COPS2: variants seen among roughly 807,000 people sequenced by gnomAD.
COPS2 encodes the protein COP9 signalosome complex subunit 2.
In COPS2, 10 loss-of-function variants were observed where a neutral mutation model predicts 66.1. That is an observed-to-expected ratio of 0.15 (90% CI 0.09 to 0.26). The LOEUF (loss-of-function observed/expected upper bound fraction) is 0.26, where lower values mean the gene tolerates loss of function less well. Ranked by LOEUF, COPS2 falls within the 10% of genes least tolerant of loss-of-function variation. The pLI, the probability that COPS2 is intolerant of heterozygous loss-of-function variation, is 1.00. For synonymous variants in COPS2, 179 were observed against 171.3 expected, an observed-to-expected ratio of 1.04 and a Z score of -0.35; for missense variants, 215 against 513.3, an observed-to-expected ratio of 0.42 and a Z score of 5.62.
intron 1 of COPS2, among the ~76,000 whole-genome samples, chr15:49,149,493 A>C (rs1473475492): frequency 6.6e-6 from 1 of 152,322 alleles, no homozygotes; most frequent in South Asian, 2.1e-4. Flanking sequence ...AAAACAGTCC[A>C]AATTGTGAAC....
At chr15:49,137,512 C>A in intron 4 of COPS2, 75 bp from the exon 5 acceptor site, 1 of 1,042,208 alleles carries the variant, frequency 9.6e-7, no homozygotes. Flanking sequence ...TTTGAACAAA[C>A]TAAAAGTGCA....
At position 49,127,701 on chromosome 15, in the gene COPS2, G is replaced by A. The variant is rs2084178229; in HGVS notation, c.*249C>T. The A allele has an allele frequency of 1.7e-5, 6 of 352,776 alleles. No individual in the cohort carries two copies. The South Asian group carries it at 2.5e-4, about 15-fold the overall frequency. The allele number at this position is 352,776 out of a possible 1,614,324, so 21.9% of individuals were successfully genotyped here. On this transcript the variant is annotated 3_prime_UTR_variant, in exon 13 of 13. Coordinates refer to ENST00000388901, the MANE Select transcript of COPS2 (RefSeq NM_004236.4). ...ATGACAAATTACTATGATGTTGTAC[G>A]TTTAGGGCAAGATGTCAATACAGCA...
At chr15:49,140,984 T>C (rs1020490045) in intron 3 of COPS2, among the ~76,000 whole-genome samples, 4 of 148,002 alleles carry the variant, frequency 2.7e-5, no homozygotes, top group African/African-American at 1.0e-4. Flanking sequence ...CAGAGGTGGA[T>C]GGGACAAAAA....
rs577403727 is a variant in COPS2 at position 49,132,370 on chromosome 15, C to T, written c.947+1389G>A. Among the ~76,000 whole-genome samples, 3 of 150,182 alleles carry T rather than the reference C, an allele frequency of 2.0e-5. No homozygotes were observed. The East Asian group carries it at 5.8e-4, about 29-fold the overall frequency. ...AAAAAAACGCTTTTTTTTTTACAGC[C>T]AAAATTAAGGTTTCTTTAAAAAAAG... On this transcript the variant is annotated intron_variant, in intron 9 of 12. Coordinates refer to ENST00000388901, the MANE Select transcript of COPS2 (RefSeq NM_004236.4).
chr15:49,128,809 T>A, intron 11 of COPS2, 49 bp from the exon 12 acceptor site: 3 of 1,178,948 alleles, frequency 2.5e-6, no homozygotes, highest in Non-Finnish European at 3.7e-6. Flanking sequence ...AAAGACTTCA[T>A]AATTTTACAC....
rs1206213492 is a variant in COPS2 at position 49,150,263 on chromosome 15, T to TAA, written c.55-5187_55-5186dup. The stretch of plus-strand genomic sequence containing the variant: ...ACTCTATCTCAAAAAAAAAAAAAAA[T>TAA]AAATAAAAATAAAAAAATAAATAAA... On this transcript the variant is annotated intron_variant, in intron 1 of 12. Transcript: ENST00000388901. 2.4e-5 allele frequency among the ~76,000 whole-genome samples: 3 copies of TAA among 127,234 alleles called. No homozygotes were observed. In the East Asian group the frequency reaches 6.9e-4, roughly 29 times the overall value. 83.5% of individuals were successfully genotyped at this position (127,234 alleles called of 152,430 possible). A position where few individuals can be genotyped will look rare whatever the true frequency, so the allele number is the denominator to read the frequency against.
At chr15:49,149,641 G>C (rs2084344983) in intron 1 of COPS2, among the ~76,000 whole-genome samples, 1 of 152,114 alleles carries the variant, frequency 6.6e-6, no homozygotes, top group African/African-American at 2.4e-5. Context: ...GAGCAGCCAG[G>C]GTCAATTTTG....
At chr15:49,137,522 ATCTTTGAACTTTAATACACAT>A in intron 4 of COPS2, 85 bp from the exon 5 acceptor site, 1 of 959,022 alleles carries the variant, frequency 1.0e-6, no homozygotes, top group Non-Finnish European at 1.7e-6. Context: ...CTAAAAGTGC[ATCTTTGAACTTTAATACACAT>A]AAGATACACT....
rs2084203670 is a variant in COPS2, at chr15:49,130,949, TCA to T, written c.948-135_948-134del. 2.1e-5 allele frequency: 10 copies of T among 465,286 alleles called. No individual in the cohort carries two copies. The South Asian group carries it at 3.6e-4, about 17-fold the overall frequency. 28.8% of individuals were successfully genotyped at this position (465,286 alleles called of 1,614,324 possible). A position where few individuals can be genotyped will look rare whatever the true frequency, so the allele number is the denominator to read the frequency against. On this transcript the variant is annotated intron_variant, in intron 9 of 12. Transcript: ENST00000388901. ...AATATTATACTTTCTGTCATGGAAA[TCA>T]CAGTTAAACAAGCACACATAACCTT...
intron 8 of COPS2, 38 bp downstream of exon 8, chr15:49,133,892 T>C (rs772422136): frequency 6.4e-7 from 1 of 1,560,550 alleles, no homozygotes; most frequent in Non-Finnish European, 8.7e-7. Flanking sequence ...TATTTCCAGA[T>C]AGCTGATAAG....
At position 49,144,223 on chromosome 15, in the gene COPS2, T is replaced by A. The variant is rs764622262; in HGVS notation, c.246+4A>T. 1 of 1,590,042 alleles carries A rather than the reference T, an allele frequency of 6.3e-7. No homozygotes were observed. The highest frequency in any genetic ancestry group is 8.6e-7 in the Non-Finnish European group (1 of 1,159,230). On this transcript the variant is annotated splice_donor_region_variant and intron_variant, in intron 3 of 12. Transcript: ENST00000388901. ...AGTTTAATTCCCCTCAAAACAAATC[T>A]TACCAACTTGAAGTTAATCTTAATC...
intron 1 of COPS2, among the ~76,000 whole-genome samples, chr15:49,146,222 G>A (rs1304041535): frequency 1.3e-5 from 2 of 152,032 alleles, no homozygotes; most frequent in African/African-American, 2.4e-5. Flanking sequence ...TTCCTTCCTC[G>A]TGTGAAGACC....
intron 6 of COPS2, among the ~76,000 whole-genome samples, chr15:49,136,679 C>T (rs2084254387): frequency 6.6e-6 from 1 of 151,976 alleles, no homozygotes; most frequent in South Asian, 2.1e-4. Flanking sequence ...ATACTGGTAC[C>T]TCATTAGACA....
rs905004571 is a variant in COPS2 at position 49,127,087 on chromosome 15, A to G, written c.*863T>C. 6.6e-6 allele frequency: 1 copy of G among 152,150 alleles called. No individual in the cohort carries two copies. Among genetic ancestry groups the G allele is most frequent in the Non-Finnish European group, 1.5e-5 (1 of 67,988 alleles). 9.4% of individuals were successfully genotyped at this position (152,150 alleles called of 1,614,324 possible). ...TCTGAGAGTTAGTATTCTTTTGAAA[A>G]GGAATATCACTCTTTAAAAAAAAAG... On this transcript the variant is annotated 3_prime_UTR_variant, in exon 13 of 13. Transcript: ENST00000388901.
Position 49,127,518 on chromosome 15 carries a change from A to G in COPS2, c.*432T>C, listed in dbSNP as rs1302206890. On this transcript the variant is annotated 3_prime_UTR_variant, in exon 13 of 13. Coordinates refer to ENST00000388901, the MANE Select transcript of COPS2 (RefSeq NM_004236.4). The stretch of plus-strand genomic sequence containing the variant: ...ATGCAGCAAACATTTTAATTTATAC[A>G]TGAGAAAAGGAAGTGTTCAAAAGGG... 6.5e-6 allele frequency: 1 copy of G among 154,318 alleles called. No individual in the cohort carries two copies. Among genetic ancestry groups the G allele is most frequent in the African/African-American group, 2.4e-5 (1 of 41,538 alleles). The allele number at this position is 154,318 out of a possible 1,614,324, so 9.6% of individuals were successfully genotyped here. A position where few individuals can be genotyped will look rare whatever the true frequency, so the allele number is the denominator to read the frequency against.
Position 49,133,870 on chromosome 15 carries a change from AG to A in COPS2, c.894+59del, listed in dbSNP as rs1274582002. 3 of 1,545,570 alleles carry A rather than the reference AG, an allele frequency of 1.9e-6. No homozygotes were observed. In the African/African-American group the frequency reaches 4.2e-5, roughly 22 times the overall value. ...TACAAAGAAACAACATTTTAAAAAA[AG>A]AAATAACATTTATTTCCAGATAGCT... On this transcript the variant is annotated intron_variant, in intron 8 of 12. Transcript: ENST00000388901.
At position 49,124,224 on chromosome 15, in the gene COPS2, T is replaced by A. The variant is rs1566879689; in HGVS notation, c.*3726A>T. On this transcript the variant is annotated 3_prime_UTR_variant, in exon 13 of 13. Coordinates refer to ENST00000388901, the MANE Select transcript of COPS2 (RefSeq NM_004236.4). The stretch of plus-strand genomic sequence containing the variant: ...TTGTCTCTACTAAAAACACAAAAAT[T>A]AGCTGGGCGTGGTGGCGGGTGTCTG... The A allele has an allele frequency of 6.6e-6, 1 of 151,614 alleles. No homozygotes were observed. The highest frequency in any genetic ancestry group is 1.5e-5 in the Non-Finnish European group (1 of 67,908). 9.4% of individuals were successfully genotyped at this position (151,614 alleles called of 1,614,324 possible).
chr15:49,150,262 AT>A (rs374808889), intron 1 of COPS2, among the ~76,000 whole-genome samples: 8,733 of 146,674 alleles, frequency 0.06, 505 homozygotes, highest in African/African-American at 0.15. Context: ...AAAAAAAAAA[AT>A]AAATAAAAAT....
chr15:49,155,522 C>T lies in COPS2; in HGVS notation c.54+3G>A, dbSNP rs752390101. 1.2e-6 allele frequency: 2 copies of T among 1,614,178 alleles called. No homozygotes were observed. Among genetic ancestry groups the T allele is most frequent in the East Asian group, 2.2e-5 (1 of 44,884 alleles). Reference sequence around the variant, plus strand: ...CCTCAGAGTTCCATTCCCTGCGCCTCACCAGGTCGTAGTCCTCCTCATCAT... The same window carrying T: ...CCTCAGAGTTCCATTCCCTGCGCCTTACCAGGTCGTAGTCCTCCTCATCAT... On this transcript the variant is annotated splice_donor_region_variant and intron_variant, in intron 1 of 12. Coordinates refer to ENST00000388901, the MANE Select transcript of COPS2 (RefSeq NM_004236.4).
Sources: gnomAD v4.1 joint callset for allele counts (sites outside exome capture counted in the v4.1 genomes callset) on GRCh38, gnomAD v4.1.1 for gene constraint, MANE v1.5 for transcripts, NCBI Gene and HGNC (gene_info 2026-07-23, HGNC 2026-07-21) for gene names.